TCF12: variants seen among roughly 807,000 people sequenced by gnomAD.
TCF12 encodes transcription factor 12.
In TCF12, 45 loss-of-function variants were observed where a neutral mutation model predicts 86.0. The observed-to-expected ratio is 0.52, with a 90% CI of 0.41 to 0.67. The LOEUF (loss-of-function observed/expected upper bound fraction) is 0.67, where lower values mean the gene tolerates loss of function less well. TCF12 is among the 30% of genes least tolerant of loss of function. The pLI is 0.00. For synonymous variants in TCF12, 330 were observed against 299.6 expected (o/e 1.10, Z -1.05); for missense variants, 881 against 859.9 (o/e 1.02, Z -0.31).
chr15:57,200,059 T>C (rs2057461511), intron 8 of TCF12, among the ~76,000 whole-genome samples: 1 of 150,842 alleles, frequency 6.6e-6, no homozygotes, highest in East Asian at 1.9e-4. Context: ...TTTTTTTTTT[T>C]TTGTAGAGAC....
intron 16 of TCF12, among the ~76,000 whole-genome samples, chr15:57,260,948 A>C (rs544173459): frequency 2.6e-5 from 4 of 152,182 alleles, no homozygotes; most frequent in Admixed American, 2.0e-4. Context: ...ATTCTTCTCA[A>C]GTTTTTTTAG....
intron 3 of TCF12, among the ~76,000 whole-genome samples, chr15:56,935,067 A>G (rs551116681): frequency 1.4e-4 from 21 of 152,324 alleles, no homozygotes; most frequent in African/African-American, 4.3e-4. Context: ...GGAAACGGAT[A>G]GTGAGGGTTC....
intron 20 of TCF12, among the ~76,000 whole-genome samples, chr15:57,283,937 A>G (rs2061816495): frequency 1.3e-5 from 2 of 152,180 alleles, no homozygotes; most frequent in African/African-American, 4.8e-5. Flanking sequence ...GAGTTAAGGC[A>G]GTTATTTCGT....
intron 18 of TCF12, among the ~76,000 whole-genome samples, chr15:57,270,909 A>G (rs1381216650): frequency 2.0e-5 from 3 of 152,100 alleles, no homozygotes; most frequent in Admixed American, 1.3e-4. Flanking sequence ...CAGAACAGCA[A>G]ATATTGCTGC....
At chr15:57,075,835 T>TCCTTTC (rs778545170) in intron 4 of TCF12, among the ~76,000 whole-genome samples, 1 of 49,992 alleles carries the variant, frequency 2.0e-5, no homozygotes, top group Admixed American at 2.4e-4. Context: ...TCTCTCTCTC[T>TCCTTTC]TTTCTTTCTT....
intron 5 of TCF12, among the ~76,000 whole-genome samples, chr15:57,121,962 C>T (rs539889222): frequency 3.3e-5 from 5 of 152,038 alleles, no homozygotes; most frequent in African/African-American, 1.2e-4. Context: ...CACAGTATAC[C>T]TATGGGTGAG....
chr15:57,173,891 A>G lies in TCF12; in HGVS notation c.390+7425A>G, dbSNP rs111266349. Among the ~76,000 whole-genome samples, 119 of 152,076 alleles carry G rather than the reference A, an allele frequency of 7.8e-4. 4 individuals carry two copies. The highest frequency in any genetic ancestry group is 2.8e-3 in the African/African-American group (117 of 41,496). ...CCTGGCTAATTTTTGTATTTTTAGT[A>G]GAGATGGGGTTTCACCATATTGGCC... On this transcript the variant is annotated intron_variant, in intron 6 of 20. Transcript: ENST00000333725.
chr15:57,141,875 A>G (rs2052993487), intron 5 of TCF12, among the ~76,000 whole-genome samples: 1 of 152,210 alleles, frequency 6.6e-6, no homozygotes, highest in Admixed American at 6.5e-5. Flanking sequence ...TAGCTAGATT[A>G]TGGAAAGGTT....
chr15:56,952,237 A>C (rs954523748), intron 3 of TCF12, among the ~76,000 whole-genome samples: 6 of 151,958 alleles, frequency 3.9e-5, no homozygotes, highest in Non-Finnish European at 8.8e-5. Flanking sequence ...TCTGTATTCT[A>C]TAATTTAGTC....
intron 4 of TCF12, among the ~76,000 whole-genome samples, chr15:57,081,581 A>C (rs575037285): frequency 6.6e-6 from 1 of 152,244 alleles, no homozygotes; most frequent in East Asian, 1.9e-4. Flanking sequence ...TCTGTCACCC[A>C]TGTTGGAGTG....
chr15:57,223,635 C>G (rs1282703848), intron 8 of TCF12, among the ~76,000 whole-genome samples: 1 of 47,536 alleles, frequency 2.1e-5, no homozygotes, highest in Non-Finnish European at 9.2e-5. Flanking sequence ...CACCTGCCTA[C>G]CAATGAGGTT....
rs138098060 is a variant in TCF12 at position 57,151,913 on chromosome 15, G to A, written c.326-14489G>A. 2.6e-3 allele frequency among the ~76,000 whole-genome samples: 396 copies of A among 152,316 alleles called. 1 individual carries two copies. Among genetic ancestry groups the A allele is most frequent in the Middle Eastern group, 0.01 (3 of 294 alleles). On this transcript the variant is annotated intron_variant, in intron 5 of 20. Coordinates refer to ENST00000333725, the MANE Select transcript of TCF12 (RefSeq NM_207037.2). ...CCGTCACAAGCCTAAGGAGTACTAA[G>A]CAATAGCAGTCTGCCACTGGGGCAG...
chr15:57,237,229 G>T (rs1288643112), intron 12 of TCF12, among the ~76,000 whole-genome samples: 4 of 151,846 alleles, frequency 2.6e-5, no homozygotes, highest in African/African-American at 7.3e-5. Flanking sequence ...CAAAAGAAAA[G>T]AAAATTCAGG....
intron 12 of TCF12, among the ~76,000 whole-genome samples, chr15:57,242,334 T>G (rs2151966408): frequency 6.6e-6 from 1 of 152,324 alleles, no homozygotes; most frequent in Middle Eastern, 3.4e-3. Flanking sequence ...AGAATAGGAT[T>G]GTCCAAGAAG....
chr15:56,977,257 G>T (rs1482601459), intron 3 of TCF12, among the ~76,000 whole-genome samples: 1 of 152,136 alleles, frequency 6.6e-6, no homozygotes, highest in Non-Finnish European at 1.5e-5. Context: ...AAAAGGCCAG[G>T]TGTGGTGGCT....
At chr15:56,918,276 C>A (rs2059592594), upstream of TCF12, 4 of 456,214 alleles carry the variant, frequency 8.8e-6, no homozygotes, top group Non-Finnish European at 1.8e-5. Flanking sequence ...GGCAGCGGAT[C>A]CAGATGCTTC....
intron 3 of TCF12, among the ~76,000 whole-genome samples, chr15:57,055,954 G>A (rs1007302260): frequency 2.6e-5 from 4 of 151,846 alleles, no homozygotes; most frequent in Non-Finnish European, 5.9e-5. Context: ...TTAGGTCTCT[G>A]AGGCCCTGTT....
At chr15:57,014,800 C>T (rs1195808667) in intron 3 of TCF12, among the ~76,000 whole-genome samples, 1 of 151,798 alleles carries the variant, frequency 6.6e-6, no homozygotes, top group Non-Finnish European at 1.5e-5. Context: ...AACTAAGTTT[C>T]CCTACAGTGG....
At chr15:57,052,140 G>A (rs1487444094) in intron 3 of TCF12, among the ~76,000 whole-genome samples, 2 of 152,162 alleles carry the variant, frequency 1.3e-5, no homozygotes, top group Non-Finnish European at 2.9e-5. Flanking sequence ...GCTTACATAT[G>A]TACACTCATA....
Sources: gnomAD v4.1 joint callset for allele counts (sites outside exome capture counted in the v4.1 genomes callset) on GRCh38, gnomAD v4.1.1 for gene constraint, MANE v1.5 for transcripts, NCBI Gene and HGNC (gene_info 2026-07-23, HGNC 2026-07-21) for gene names.